Variants in MEGF11 observed in about 807,000 individuals in gnomAD.
MEGF11 encodes multiple EGF like domains 11.
A neutral mutation model predicts 146.6 loss-of-function variants in MEGF11; 126 were observed. The ratio of observed to expected loss-of-function variants is 0.86; its 90% CI spans 0.74 to 1.00. The LOEUF is 1.00. Among genes scored for constraint, MEGF11 ranks in the 50% least tolerant of loss-of-function variants. MEGF11 has a pLI of 0.00. For missense variants in MEGF11, 1,509 were observed against 1,521.2 expected, an observed-to-expected ratio of 0.99 and a Z score of 0.13; for synonymous variants, 532 against 583.4, an observed-to-expected ratio of 0.91 and a Z score of 1.27.
intron 1 of MEGF11, among the ~76,000 whole-genome samples, chr15:66,247,062 G>A (rs12901736): frequency 6.6e-6 from 1 of 152,004 alleles, no homozygotes; most frequent in Admixed American, 6.5e-5. Context: ...AAAAGCAAGA[G>A]GAAGCAAGTT....
chr15:66,132,160 T>C (rs1401869482), intron 1 of MEGF11, among the ~76,000 whole-genome samples: 1 of 152,222 alleles, frequency 6.6e-6, no homozygotes, highest in Non-Finnish European at 1.5e-5. Context: ...CAGCATCCTC[T>C]GGAGGCCCCT....
chr15:65,922,619 C>G (rs1369668799), intron 14 of MEGF11, 147 bp from the exon 15 acceptor site: 7 of 1,336,636 alleles, frequency 5.2e-6, no homozygotes, highest in Non-Finnish European at 7.0e-6. Context: ...CAGAGAAGAG[C>G]TGTGGTGTGG....
intron 5 of MEGF11, among the ~76,000 whole-genome samples, chr15:66,022,371 C>T (rs1345031480): frequency 6.6e-6 from 1 of 152,256 alleles, no homozygotes; most frequent in Non-Finnish European, 1.5e-5. Context: ...TGTGCTTTGA[C>T]CACACTGTTA....
At chr15:66,201,592 A>G (rs576567609) in intron 1 of MEGF11, among the ~76,000 whole-genome samples, 9 of 152,070 alleles carry the variant, frequency 5.9e-5, no homozygotes, top group South Asian at 2.1e-4. Flanking sequence ...CCGCTCTGCA[A>G]TGATGGCACC....
At chr15:66,250,480 C>G (rs1261813137) in intron 1 of MEGF11, among the ~76,000 whole-genome samples, 1 of 152,234 alleles carries the variant, frequency 6.6e-6, no homozygotes, top group African/African-American at 2.4e-5. Flanking sequence ...CTCCTCCTGT[C>G]TGATTCATTG....
chr15:66,106,169 G>C (rs2087066524), intron 4 of MEGF11, among the ~76,000 whole-genome samples: 1 of 152,208 alleles, frequency 6.6e-6, no homozygotes, highest in Non-Finnish European at 1.5e-5. Flanking sequence ...AAAGGGAAAG[G>C]AGAAAGGAGA....
intron 3 of MEGF11, 103 bp downstream of exon 3, chr15:66,123,796 C>T (rs1038229669): frequency 5.7e-6 from 5 of 879,394 alleles, no homozygotes; most frequent in Admixed American, 1.9e-5. Flanking sequence ...AGTGGAGGCG[C>T]GTGACAACAT....
chr15:66,061,803 T>C (rs923180076), intron 5 of MEGF11, among the ~76,000 whole-genome samples: 9 of 152,148 alleles, frequency 5.9e-5, no homozygotes, highest in Admixed American at 6.5e-5. Flanking sequence ...ACCCAGCTAA[T>C]TTTTTAATTG....
intron 1 of MEGF11, among the ~76,000 whole-genome samples, chr15:66,250,331 G>A (rs892462521): frequency 2.6e-5 from 4 of 152,190 alleles, no homozygotes; most frequent in Admixed American, 2.6e-4. Flanking sequence ...ACCACTAGAG[G>A]GGAGGTTCAG....
chr15:65,999,922 A>T (rs2082310213), intron 5 of MEGF11, among the ~76,000 whole-genome samples: 1 of 152,218 alleles, frequency 6.6e-6, no homozygotes, highest in Non-Finnish European at 1.5e-5. Context: ...GGGCTTCCCC[A>T]GAAGCAGACC....
intron 15 of MEGF11, among the ~76,000 whole-genome samples, chr15:65,918,957 A>G (rs770745854): frequency 2.0e-5 from 3 of 152,232 alleles, no homozygotes; most frequent in Admixed American, 6.5e-5. Context: ...AGAGAGCCTC[A>G]GTGGATTCCC....
intron 1 of MEGF11, among the ~76,000 whole-genome samples, chr15:66,177,580 A>G (rs1207927715): frequency 1.3e-5 from 2 of 151,864 alleles, no homozygotes; most frequent in African/African-American, 2.4e-5. Flanking sequence ...TTTTTTTTTA[A>G]CTTTACCTCC....
intron 10 of MEGF11, among the ~76,000 whole-genome samples, chr15:65,945,582 C>A (rs1303348897): frequency 6.6e-6 from 1 of 152,152 alleles, no homozygotes. Context: ...ACCATCACAG[C>A]CCTCAGAGGG....
intron 4 of MEGF11, among the ~76,000 whole-genome samples, chr15:66,116,210 G>T (rs775892006): frequency 6.6e-6 from 1 of 151,998 alleles, no homozygotes; most frequent in Non-Finnish European, 1.5e-5. Flanking sequence ...CTCTCCTGCC[G>T]CGCTTGACTG....
At chr15:66,252,950 C>G (rs1404535220) in intron 1 of MEGF11, among the ~76,000 whole-genome samples, 3 of 152,194 alleles carry the variant, frequency 2.0e-5, no homozygotes, top group Non-Finnish European at 4.4e-5. Context: ...TGGGAGCCAA[C>G]CAACAAGGCC....
chr15:66,196,912 T>C (rs141787236), intron 1 of MEGF11, among the ~76,000 whole-genome samples: 113 of 152,334 alleles, frequency 7.4e-4, no homozygotes, highest in African/African-American at 2.5e-3. Context: ...AGTCCTTATC[T>C]GTAGAATTCT....
At chr15:65,942,274 A>C (rs1596877492) in intron 10 of MEGF11, among the ~76,000 whole-genome samples, 1 of 152,166 alleles carries the variant, frequency 6.6e-6, no homozygotes, top group Non-Finnish European at 1.5e-5. Context: ...TGTGATGTGT[A>C]ATTTCATAAT....
intron 5 of MEGF11, among the ~76,000 whole-genome samples, chr15:66,043,279 A>G (rs1567215247): frequency 1.3e-5 from 2 of 152,222 alleles, no homozygotes; most frequent in African/African-American, 2.4e-5. Context: ...TCAGAAATGT[A>G]GCAGGGCCAC....
intron 10 of MEGF11, among the ~76,000 whole-genome samples, chr15:65,952,738 A>C (rs987189997): frequency 8.5e-5 from 13 of 152,218 alleles, no homozygotes; most frequent in Admixed American, 6.5e-4. Flanking sequence ...TTTCATTCCC[A>C]TTTTATAGAT....
Sources: allele counts gnomAD v4.1 joint callset (sites outside exome capture counted in the v4.1 genomes callset), GRCh38; gene constraint gnomAD v4.1.1; transcripts MANE v1.5; gene names NCBI Gene and HGNC (gene_info 2026-07-23, HGNC 2026-07-21).